Variants in ACTR10 observed in about 807,000 individuals in gnomAD.
ACTR10 encodes the protein actin related protein 10, also known as actin-related protein 10.
ACTR10 carries 43 observed loss-of-function variants against 56.2 expected under a neutral mutation model. The observed-to-expected ratio is 0.77, with a 90% CI of 0.60 to 0.99. The LOEUF (loss-of-function observed/expected upper bound fraction) is 0.99. Among genes scored for constraint, ACTR10 ranks in the 50% least tolerant of loss-of-function variants. ACTR10 has a pLI of 0.00. For missense variants in ACTR10, 466 were observed against 507.8 expected (o/e 0.92, Z 0.79); for synonymous variants, 170 against 176.3 (o/e 0.96, Z 0.28).
intron 7 of ACTR10, among the ~76,000 whole-genome samples, chr14:58,218,969 TGCACCA>T (rs1594809814): frequency 6.6e-6 from 1 of 152,110 alleles, no homozygotes; most frequent in East Asian, 1.9e-4. Context: ...ATTACAGGCA[TGCACCA>T]CCACACCCAG....
chr14:58,212,976 G>C (rs982166892), intron 5 of ACTR10: 5 of 152,184 alleles, frequency 3.3e-5, no homozygotes, highest in African/African-American at 1.2e-4. Flanking sequence ...AAATTAGCCG[G>C]GTGTGGTGGC....
intron 10 of ACTR10, among the ~76,000 whole-genome samples, chr14:58,227,578 G>A (rs1308969522): frequency 6.6e-6 from 1 of 152,168 alleles, no homozygotes; most frequent in Non-Finnish European, 1.5e-5. Context: ...AAAAGATTGG[G>A]AAAAAGAAGA....
chr14:58,227,722 T>A (rs185405782), intron 10 of ACTR10, among the ~76,000 whole-genome samples: 1,717 of 152,274 alleles, frequency 0.011, 11 homozygotes, highest in Non-Finnish European at 0.017. Flanking sequence ...GTGGAAAAAA[T>A]TAGCTAGTAG....
chr14:58,218,628 C>T (rs1235033152), intron 7 of ACTR10, among the ~76,000 whole-genome samples: 1 of 151,552 alleles, frequency 6.6e-6, no homozygotes, highest in East Asian at 1.9e-4. Flanking sequence ...TCTAAGTTTA[C>T]CTAATTTTAA....
intron 12 of ACTR10, among the ~76,000 whole-genome samples, chr14:58,233,842 T>A (rs1889603174): frequency 6.6e-6 from 1 of 152,244 alleles, no homozygotes; most frequent in Non-Finnish European, 1.5e-5. Flanking sequence ...TTATTTCTTG[T>A]AAAATAGAAT....
intron 12 of ACTR10, among the ~76,000 whole-genome samples, chr14:58,233,176 C>G (rs568023460): frequency 6.6e-6 from 1 of 152,168 alleles, no homozygotes; most frequent in South Asian, 2.1e-4. Flanking sequence ...CCTGGCTTAC[C>G]ATTTCTTAAA....
At chr14:58,225,326 G>GT (rs1267664506) in intron 10 of ACTR10, among the ~76,000 whole-genome samples, 1 of 152,070 alleles carries the variant, frequency 6.6e-6, no homozygotes, top group East Asian at 1.9e-4. Flanking sequence ...AATCATATTA[G>GT]TAACAATATA....
At chr14:58,208,546 T>C (rs1333042598) in intron 3 of ACTR10, among the ~76,000 whole-genome samples, 1 of 151,698 alleles carries the variant, frequency 6.6e-6, no homozygotes, top group African/African-American at 2.4e-5. Context: ...TATATTACTA[T>C]TGTAACCTAA....
intron 11 of ACTR10, among the ~76,000 whole-genome samples, chr14:58,230,686 C>G (rs1001902138): frequency 1.2e-4 from 18 of 151,762 alleles, no homozygotes; most frequent in Non-Finnish European, 2.1e-4. Context: ...TTTTATAGTT[C>G]ATGAGTTTTA....
intron 10 of ACTR10, 31 bp downstream of exon 10, chr14:58,223,887 T>G: frequency 2.0e-6 from 3 of 1,511,270 alleles, no homozygotes; most frequent in Non-Finnish European, 2.7e-6. Flanking sequence ...GGCAAAGTAG[T>G]AAACTAAAAT....
intron 10 of ACTR10, among the ~76,000 whole-genome samples, chr14:58,226,159 A>C (rs1308822808): frequency 6.6e-6 from 1 of 152,126 alleles, no homozygotes; most frequent in Non-Finnish European, 1.5e-5. Context: ...CCTAGCCTTT[A>C]GGAAGCTGAG....
chr14:58,209,190 CTT>C (rs1888938415), intron 4 of ACTR10, 83 bp downstream of exon 4: 1 of 963,792 alleles, frequency 1.0e-6, no homozygotes, highest in African/African-American at 1.7e-5. Flanking sequence ...TTTAGGGAAT[CTT>C]TCTTCTCTTT....
chr14:58,232,086 G>C lies in ACTR10; in HGVS notation c.891G>C (p.Lys297Asn). ...AACAGTGTCCGATAGACACCAGGAA[G>C]CAACTAGCAGAGAATTTGGTAGTCA... ...SLIQCPIDTR[K>N]QLAENLVVIG... is the part of the protein sequence containing the mutation. Residue 297 changes from lysine (K) to asparagine (N), a missense_variant, in exon 12 of 13, where the codon AAG (lysine) becomes AAC (asparagine). Transcript: ENST00000254286. 1 of 1,613,154 alleles carries C rather than the reference G, an allele frequency of 6.2e-7. No individual in the cohort carries two copies. The highest frequency in any genetic ancestry group is 1.1e-5 in the South Asian group (1 of 90,988).
Position 58,200,314 on chromosome 14 carries a change from G to C in ACTR10, c.77+20G>C. 2.7e-6 allele frequency: 4 copies of C among 1,491,200 alleles called. No individual in the cohort carries two copies. The highest frequency in any genetic ancestry group is 3.6e-6 in the Non-Finnish European group (4 of 1,122,964). 92.4% of individuals were successfully genotyped at this position (1,491,200 alleles called of 1,614,324 possible). A position where few individuals can be genotyped will look rare whatever the true frequency, so the allele number is the denominator to read the frequency against. On this transcript the variant is annotated intron_variant, in intron 1 of 12. Coordinates refer to ENST00000254286, the MANE Select transcript of ACTR10 (RefSeq NM_018477.3). ...TACCAAGTGAGTGGCCGTGACGCCAGCTGTGTTCGACCCGAGGGGAGGGCG... is the reference window on the plus strand; with the variant it reads ...TACCAAGTGAGTGGCCGTGACGCCACCTGTGTTCGACCCGAGGGGAGGGCG...
chr14:58,210,960 C>T (rs192905285), intron 4 of ACTR10: 108 of 196,868 alleles, frequency 5.5e-4, no homozygotes, highest in African/African-American at 2.4e-3. Flanking sequence ...CAGGCGTGAG[C>T]CTCTGTGCCC....
intron 2 of ACTR10, 57 bp from the exon 3 acceptor site, chr14:58,207,879 C>A: frequency 9.6e-7 from 1 of 1,043,720 alleles, no homozygotes; most frequent in Non-Finnish European, 1.3e-6. Context: ...ACATTTTAAT[C>A]TTAATTTGAG....
At chr14:58,214,467 TATGTC>T (rs1171627293) in intron 6 of ACTR10, among the ~76,000 whole-genome samples, 1 of 151,906 alleles carries the variant, frequency 6.6e-6, no homozygotes, top group African/African-American at 2.4e-5. Context: ...TAGGTAAACT[TATGTC>T]ATGGGGAAGA....
intron 8 of ACTR10, 32 bp downstream of exon 8, chr14:58,219,761 T>C: frequency 6.2e-6 from 9 of 1,447,162 alleles, no homozygotes; most frequent in Non-Finnish European, 7.4e-6. Flanking sequence ...GTCCCTTTCA[T>C]CCTTAAGTGT....
Position 58,205,077 on chromosome 14 carries a change from G to T in ACTR10, c.150+2150G>T, listed in dbSNP as rs548624189. On this transcript the variant is annotated intron_variant, in intron 2 of 12. Coordinates refer to ENST00000254286, the MANE Select transcript of ACTR10 (RefSeq NM_018477.3). ...CTCTACTAAATATACAAAATTAGCC[G>T]GGCATGGTGGCACATGCCTGTTAAT... Among the ~76,000 whole-genome samples, 32 of 151,788 alleles carry T rather than the reference G, an allele frequency of 2.1e-4. No homozygotes were observed. In the South Asian group the frequency reaches 4.4e-3, roughly 21 times the overall value.
Sources: allele counts gnomAD v4.1 joint callset (sites outside exome capture counted in the v4.1 genomes callset), GRCh38; gene constraint gnomAD v4.1.1; transcripts MANE v1.5; gene names NCBI Gene and HGNC (gene_info 2026-07-23, HGNC 2026-07-21).